The following VPS13A variants were observed in gnomAD, a reference collection of about 807,000 sequenced individuals.
VPS13A encodes intermembrane lipid transfer protein VPS13A.
Under a neutral mutation model 390.9 loss-of-function variants are expected in VPS13A, and 264 were observed. The observed-to-expected ratio is 0.68, with a 90% CI of 0.61 to 0.75. The LOEUF is 0.75. Ranked by LOEUF, VPS13A falls within the 30% of genes least tolerant of loss-of-function variation. The pLI, the probability that VPS13A is intolerant of heterozygous loss-of-function variation, is 0.00. For missense variants in VPS13A, 3,409 were observed against 3,733.9 expected (o/e 0.91, Z 2.27); for synonymous variants, 1,231 against 1,227.1 (o/e 1.00, Z -0.07).
rs371560275 is a variant in VPS13A, at chr9:77,360,647, A to T, written c.8211+6A>T. On this transcript the variant is annotated splice_donor_region_variant and intron_variant, in intron 59 of 71. Transcript: ENST00000360280. ...AGGTGACTGAAAATACAGAGGTAAG[A>T]CTTAAAATAATAACATTTGATGGAA... The T allele has an allele frequency of 2.5e-6, 4 of 1,582,642 alleles. No individual in the cohort carries two copies. The highest frequency in any genetic ancestry group is 2.7e-5 in the African/African-American group (2 of 74,234).
In VPS13A at chr9:77,318,272, C is replaced by A; in HGVS notation, c.4994C>A (p.Thr1665Asn). 1.2e-6 allele frequency: 2 copies of A among 1,605,200 alleles called. No individual in the cohort carries two copies. The highest frequency in any genetic ancestry group is 1.7e-6 in the Non-Finnish European group (2 of 1,177,670). Residue 1665 changes from threonine to asparagine, a missense_variant, in exon 41 of 72, where the codon ACT becomes AAT. Transcript: ENST00000360280. The part of the protein sequence containing the change: ...PVIINTMITI[T>N]SALYTTKETI... ...ATTATAAATACTATGATTACCATAA[C>A]TTCAGCACTGTATACAACTAAGGAA... is the stretch of plus-strand genomic sequence containing the variant.
At chr9:77,181,779 A>C (rs1824034753) in intron 1 of VPS13A, among the ~76,000 whole-genome samples, 1 of 152,166 alleles carries the variant, frequency 6.6e-6, no homozygotes, top group African/African-American at 2.4e-5. Context: ...TTCCCATGGA[A>C]GCATTCTTAT....
chr9:77,383,218 A>G (rs1833532677), intron 68 of VPS13A, among the ~76,000 whole-genome samples: 1 of 152,064 alleles, frequency 6.6e-6, no homozygotes, highest in Admixed American at 6.6e-5. Flanking sequence ...CTTCTAATAT[A>G]CAAAAATGTA....
At chr9:77,327,215 G>T (rs1256957310) in intron 45 of VPS13A, among the ~76,000 whole-genome samples, 2 of 152,070 alleles carry the variant, frequency 1.3e-5, no homozygotes, top group Admixed American at 6.5e-5. Context: ...AGTTGATTAG[G>T]GTGGGAAGCT....
chr9:77,307,851 GTC>G (rs1189925262), intron 34 of VPS13A, 92 bp from the exon 35 acceptor site: 1 of 1,010,358 alleles, frequency 9.9e-7, no homozygotes, highest in Non-Finnish European at 1.5e-6. Context: ...GATTGAAACA[GTC>G]TTTCATTTTT....
At chr9:77,182,723 G>A (rs1372306946) in intron 1 of VPS13A, among the ~76,000 whole-genome samples, 5 of 152,148 alleles carry the variant, frequency 3.3e-5, no homozygotes, top group African/African-American at 7.2e-5. Flanking sequence ...TGTTTTCTCC[G>A]AAATCACAAT....
intron 50 of VPS13A, among the ~76,000 whole-genome samples, chr9:77,342,013 A>C (rs1481959478): frequency 6.6e-6 from 1 of 152,110 alleles, no homozygotes; most frequent in Non-Finnish European, 1.5e-5. Context: ...GATGTAGGAT[A>C]AGGGACATTG....
At chr9:77,331,511 T>C (rs1350248047) in intron 45 of VPS13A, among the ~76,000 whole-genome samples, 1 of 152,094 alleles carries the variant, frequency 6.6e-6, no homozygotes, top group Non-Finnish European at 1.5e-5. Context: ...TTCCATTCTG[T>C]GAATCATGTT....
chr9:77,192,671 A>G (rs549608005), intron 1 of VPS13A, among the ~76,000 whole-genome samples: 20 of 152,068 alleles, frequency 1.3e-4, no homozygotes, highest in African/African-American at 4.6e-4. Flanking sequence ...TAGGCCCCCA[A>G]TTTCTTCTGG....
intron 46 of VPS13A, among the ~76,000 whole-genome samples, chr9:77,336,802 C>CTTT (rs1221241397): frequency 0.016 from 1,728 of 107,906 alleles, 72 homozygotes; most frequent in African/African-American, 0.044. Flanking sequence ...ATTTATCTAT[C>CTTT]TTTTTTTTTT....
At chr9:77,414,895 T>TCACC (rs1835109577) in intron 71 of VPS13A, among the ~76,000 whole-genome samples, 1 of 152,132 alleles carries the variant, frequency 6.6e-6, no homozygotes. Flanking sequence ...TGGTGACTGT[T>TCACC]TACCAGTTCA....
At chr9:77,273,069 A>G (rs1441036843) in intron 23 of VPS13A, among the ~76,000 whole-genome samples, 1 of 152,140 alleles carries the variant, frequency 6.6e-6, no homozygotes, top group African/African-American at 2.4e-5. Flanking sequence ...CAGTTCTACA[A>G]TTTTTATTTA....
At chr9:77,331,438 A>G (rs1411134953) in intron 45 of VPS13A, among the ~76,000 whole-genome samples, 1 of 151,956 alleles carries the variant, frequency 6.6e-6, no homozygotes, top group African/African-American at 2.4e-5. Context: ...CCATGAATAT[A>G]ATTTGTATTT....
chr9:77,413,714 T>C (rs962860554), intron 71 of VPS13A, among the ~76,000 whole-genome samples: 2 of 152,118 alleles, frequency 1.3e-5, no homozygotes, highest in Admixed American at 6.6e-5. Context: ...CCAAAAGCAA[T>C]GGCAACAAAA....
chr9:77,373,573 T>C (rs10156619), intron 67 of VPS13A, among the ~76,000 whole-genome samples: 14,396 of 144,978 alleles, frequency 0.099, 756 homozygotes, highest in Middle Eastern at 0.13. Context: ...GACATAGGCA[T>C]GGGCAAGGAC....
chr9:77,314,837 A>G (rs1829295864), intron 37 of VPS13A, among the ~76,000 whole-genome samples, 173 bp downstream of exon 37: 1 of 152,160 alleles, frequency 6.6e-6, no homozygotes, highest in Non-Finnish European at 1.5e-5. Context: ...TGGTTCTGTT[A>G]TGTACTATTC....
At chr9:77,347,984 C>A (rs1831246366) in intron 52 of VPS13A, among the ~76,000 whole-genome samples, 1 of 151,968 alleles carries the variant, frequency 6.6e-6, no homozygotes, top group Admixed American at 6.6e-5. Context: ...CAGATGATGG[C>A]AAGGCTGTGG....
chr9:77,253,812 T>G (rs1825282471), intron 22 of VPS13A, among the ~76,000 whole-genome samples: 1 of 152,088 alleles, frequency 6.6e-6, no homozygotes, highest in Non-Finnish European at 1.5e-5. Context: ...AAATCCAATG[T>G]CATAAAGCTT....
At position 77,416,778 on chromosome 9, in the gene VPS13A, C is replaced by T. The variant is rs1396207773; in HGVS notation, c.*772C>T. 6.7e-6 allele frequency: 1 copy of T among 149,988 alleles called. No individual in the cohort carries two copies. The highest frequency in any genetic ancestry group is 2.6e-5 in the African/African-American group (1 of 39,106). The allele number at this position is 149,988 out of a possible 1,614,324, so 9.3% of individuals were successfully genotyped here. A position where few individuals can be genotyped will look rare whatever the true frequency, so the allele number is the denominator to read the frequency against. On this transcript the variant is annotated 3_prime_UTR_variant, in exon 72 of 72. Transcript: ENST00000360280. ...TTACCCAAGTCATGTTTTTAATAGA[C>T]TGCTAATATCAAAGGAGAATTTTTA...
Sources: allele counts gnomAD v4.1 joint callset (sites outside exome capture counted in the v4.1 genomes callset), GRCh38; gene constraint gnomAD v4.1.1; transcripts MANE v1.5; gene names NCBI Gene and HGNC (gene_info 2026-07-23, HGNC 2026-07-21).